Variants in RSBN1L observed in about 807,000 individuals in gnomAD.
RSBN1L encodes lysine-specific demethylase RSBN1L.
A neutral mutation model predicts 67.7 loss-of-function variants in RSBN1L; 30 were observed. The observed-to-expected ratio is 0.44, with a 90% confidence interval of 0.33 to 0.60. RSBN1L has a LOEUF of 0.60. RSBN1L is among the 20% of genes least tolerant of loss of function. RSBN1L has a pLI of 0.02. For synonymous variants in RSBN1L, 433 were observed against 387.0 expected (o/e 1.12, Z -1.39); for missense variants, 992 against 1,031.7 (o/e 0.96, Z 0.53).
intron 2 of RSBN1L, among the ~76,000 whole-genome samples, chr7:77,740,684 TAACTC>T (rs1397876376): frequency 9.9e-5 from 15 of 152,228 alleles, no homozygotes; most frequent in Non-Finnish European, 2.1e-4. Context: ...GTGGTAGAAT[TAACTC>T]AATGAATTTG....
chr7:77,744,201 A>T (rs1045916328), intron 2 of RSBN1L, among the ~76,000 whole-genome samples: 4 of 147,492 alleles, frequency 2.7e-5, no homozygotes, highest in African/African-American at 7.5e-5. Context: ...CCAGCTAATT[A>T]AAAAAAAAAG....
chr7:77,780,422 T>TAA lies in RSBN1L; in HGVS notation c.*1255_*1256insAA, dbSNP rs1791984527. ...CTAACTAATAGTTACGTGGCCAGAT[T>TAA]ACATAGCCTACCATAGATTTTTTTT... On this transcript the variant is annotated 3_prime_UTR_variant, in exon 8 of 8. Coordinates refer to ENST00000334955, the MANE Select transcript of RSBN1L (RefSeq NM_198467.3). The TAA allele has an allele frequency of 6.6e-6, 1 of 152,204 alleles. No homozygotes were observed. Among genetic ancestry groups the TAA allele is most frequent in the African/African-American group, 2.4e-5 (1 of 41,462 alleles). 9.4% of individuals were successfully genotyped at this position (152,204 alleles called of 1,614,324 possible). A position where few individuals can be genotyped will look rare whatever the true frequency, so the allele number is the denominator to read the frequency against.
At position 77,696,638 on chromosome 7, in the gene RSBN1L, A is replaced by G. The variant is rs1436691586; in HGVS notation, c.169A>G (p.Asn57Asp). ...TEEKKAPRRVNGEGGSGGNSR... is the reference protein window; with the variant it reads ...TEEKKAPRRVDGEGGSGGNSR... Reference sequence around the variant, plus strand: ...GGAGAAGAAGGCACCGCGGAGAGTGAACGGAGAAGGGGGCAGCGGCGGGAA... The same window carrying G: ...GGAGAAGAAGGCACCGCGGAGAGTGGACGGAGAAGGGGGCAGCGGCGGGAA... Residue 57 changes from asparagine (N) to aspartate (D), a missense_variant, in exon 1 of 8, where the codon AAC becomes GAC. Asn to Asp is a conservative substitution (Grantham distance 23). Transcript: ENST00000334955. 6.2e-7 allele frequency: 1 copy of G among 1,613,924 alleles called. No homozygotes were observed. The highest frequency in any genetic ancestry group is 1.7e-5 in the Admixed American group (1 of 60,020).
At chr7:77,763,800 C>G (rs1371886500) in intron 3 of RSBN1L, among the ~76,000 whole-genome samples, 2 of 152,162 alleles carry the variant, frequency 1.3e-5, no homozygotes, top group African/African-American at 4.8e-5. Flanking sequence ...TGGAGATATC[C>G]TCCCACTTCT....
intron 6 of RSBN1L, 64 bp from the exon 7 acceptor site, chr7:77,778,274 T>A (rs1398315703): frequency 1.2e-5 from 13 of 1,120,778 alleles, no homozygotes; most frequent in Non-Finnish European, 1.7e-5. Flanking sequence ...GCTTTGAGTT[T>A]AATAAGGACT....
At chr7:77,708,586 G>GTTTT (rs1260595221) in intron 1 of RSBN1L, among the ~76,000 whole-genome samples, 7 of 151,998 alleles carry the variant, frequency 4.6e-5, no homozygotes, top group Non-Finnish European at 1.0e-4. Flanking sequence ...GTTTCACGGT[G>GTTTT]TTAGCCAGGA....
intron 1 of RSBN1L, among the ~76,000 whole-genome samples, chr7:77,708,829 AC>A (rs1790929710): frequency 6.6e-6 from 1 of 152,186 alleles, no homozygotes. Flanking sequence ...ATTGAAGACT[AC>A]TGTATTAGTT....
chr7:77,699,627 A>G (rs1656518635), intron 1 of RSBN1L, among the ~76,000 whole-genome samples: 1 of 152,316 alleles, frequency 6.6e-6, no homozygotes, highest in Admixed American at 6.5e-5. Flanking sequence ...AATGCTGAAC[A>G]AGAGAATTAT....
At chr7:77,727,174 G>A (rs1352477038) in intron 1 of RSBN1L, among the ~76,000 whole-genome samples, 2 of 150,270 alleles carry the variant, frequency 1.3e-5, no homozygotes, top group African/African-American at 4.9e-5. Context: ...TGCATCCTCC[G>A]CCTCCTAGGT....
In RSBN1L at chr7:77,705,167, T is replaced by C. The variant is rs1462980183; in HGVS notation, c.586+8112T>C. On this transcript the variant is annotated intron_variant, in intron 1 of 7. Transcript: ENST00000334955. ...ATTAGCTCTTGTTAAAAAATTATTT[T>C]TAAAAATTGTGATAAAATACATGTA... Among the ~76,000 whole-genome samples the C allele has an allele frequency of 4.6e-5, 7 of 152,326 alleles. No homozygotes were observed. In the South Asian group the frequency reaches 1.4e-3, roughly 32 times the overall value.
chr7:77,747,930 C>CT (rs1791506671), intron 2 of RSBN1L, among the ~76,000 whole-genome samples: 1 of 151,426 alleles, frequency 6.6e-6, no homozygotes, highest in Non-Finnish European at 1.5e-5. Context: ...GCTCAGGAAA[C>CT]TTTCAGTCAC....
At chr7:77,742,164 TAAA>T (rs1350455602) in intron 2 of RSBN1L, among the ~76,000 whole-genome samples, 3 of 100,224 alleles carry the variant, frequency 3.0e-5, no homozygotes, top group Non-Finnish European at 1.9e-5. Flanking sequence ...AACCCATCTT[TAAA>T]AAAAAAAAAA....
chr7:77,772,556 G>T (rs1791863285), intron 5 of RSBN1L, among the ~76,000 whole-genome samples: 1 of 152,212 alleles, frequency 6.6e-6, no homozygotes, highest in Non-Finnish European at 1.5e-5. Context: ...CAGAGCTAAG[G>T]TTTTCCTTTC....
intron 3 of RSBN1L, among the ~76,000 whole-genome samples, chr7:77,755,375 T>TG (rs1427455607): frequency 6.6e-6 from 1 of 152,118 alleles, no homozygotes; most frequent in Non-Finnish European, 1.5e-5. Flanking sequence ...TTTAAAACTC[T>TG]GATAAGCAGC....
At position 77,781,805 on chromosome 7, in the gene RSBN1L, A is replaced by G. The variant is rs887083898; in HGVS notation, c.*2637A>G. The G allele has an allele frequency of 2.0e-5, 3 of 152,112 alleles. No homozygotes were observed. Among genetic ancestry groups the G allele is most frequent in the Non-Finnish European group, 4.4e-5 (3 of 68,030 alleles). The allele number at this position is 152,112 out of a possible 1,614,324, so 9.4% of individuals were successfully genotyped here. ...TGAGACCAGTCTGGCCAACATGGTG[A>G]AACCCCGTCTCTACTAAAAATACAA... On this transcript the variant is annotated 3_prime_UTR_variant, in exon 8 of 8. Coordinates refer to ENST00000334955, the MANE Select transcript of RSBN1L (RefSeq NM_198467.3).
At chr7:77,724,713 A>C (rs1791172000) in intron 1 of RSBN1L, among the ~76,000 whole-genome samples, 1 of 152,078 alleles carries the variant, frequency 6.6e-6, no homozygotes. Flanking sequence ...GACATGGGCC[A>C]CTGCGCCCGG....
At chr7:77,732,164 G>A (rs1254122950) in intron 1 of RSBN1L, among the ~76,000 whole-genome samples, 2 of 152,110 alleles carry the variant, frequency 1.3e-5, no homozygotes, top group Non-Finnish European at 2.9e-5. Flanking sequence ...CCAAGCCTGA[G>A]ATTAAACTGT....
At chr7:77,729,497 T>G (rs542678754) in intron 1 of RSBN1L, among the ~76,000 whole-genome samples, 10 of 152,358 alleles carry the variant, frequency 6.6e-5, no homozygotes, top group Non-Finnish European at 1.2e-4. Context: ...TTGTTGACTG[T>G]AAGATTCTTA....
At chr7:77,757,472 G>A (rs962704445) in intron 3 of RSBN1L, among the ~76,000 whole-genome samples, 1 of 152,218 alleles carries the variant, frequency 6.6e-6, no homozygotes, top group Non-Finnish European at 1.5e-5. Flanking sequence ...TTTGAGGATA[G>A]AAACATATGC....
Sources: allele counts gnomAD v4.1 joint callset (sites outside exome capture counted in the v4.1 genomes callset), GRCh38; gene constraint gnomAD v4.1.1; transcripts MANE v1.5; gene names NCBI Gene and HGNC (gene_info 2026-07-23, HGNC 2026-07-21).